Variants in SLC19A2 observed in about 807,000 individuals in gnomAD.
SLC19A2 encodes thiamine transporter 1.
Under a neutral mutation model 44.7 loss-of-function variants are expected in SLC19A2, and 27 were observed. The ratio of observed to expected loss-of-function variants is 0.60; its 90% CI spans 0.45 to 0.83. The LOEUF (loss-of-function observed/expected upper bound fraction) is 0.83. Ranked by LOEUF, SLC19A2 falls within the 40% of genes least tolerant of loss-of-function variation. SLC19A2 has a pLI of 0.00. For missense variants in SLC19A2, 566 were observed against 613.7 expected (o/e 0.92, Z 0.82); for synonymous variants, 239 against 243.6 (o/e 0.98, Z 0.18).
At chr1:169,466,113 A>G in intron 5 of SLC19A2, 136 bp from the exon 6 acceptor site, 1 of 980,212 alleles carries the variant, frequency 1.0e-6, no homozygotes, top group South Asian at 1.5e-5. Context: ...CTGAAGACAC[A>G]AAGCAGCATC....
chr1:169,473,296 A>G (rs1424184355), intron 2 of SLC19A2, among the ~76,000 whole-genome samples: 1 of 151,908 alleles, frequency 6.6e-6, no homozygotes, highest in Admixed American at 6.6e-5. Context: ...GTACAGTGGC[A>G]CTATCTCAGC....
At position 169,468,717 on chromosome 1, in the gene SLC19A2, C is replaced by T; in HGVS notation, c.1150G>A (p.Gly384Ser). Reference sequence around the variant, plus strand: ...GATGCATAGCACACCCAAATGTTACCCACAGTGTCCATGATATACACTGCA... The same window carrying T: ...GATGCATAGCACACCCAAATGTTACTCACAGTGTCCATGATATACACTGCA... ...AAAVYIMDTV[G>S]NIWVCYASYV... The change falls in exon 4 of 6, where the codon GGT becomes AGT. Residue 384 changes from glycine (G) to serine (S), a missense_variant. By Grantham distance (56) the Gly-to-Ser change is moderately conservative. Coordinates refer to ENST00000236137, the MANE Select transcript of SLC19A2 (RefSeq NM_006996.3). 6.2e-7 allele frequency: 1 copy of T among 1,613,714 alleles called. No homozygotes were observed. The highest frequency in any genetic ancestry group is 8.5e-7 in the Non-Finnish European group (1 of 1,179,816).
chr1:169,468,969 G>A, intron 3 of SLC19A2, 133 bp from the exon 4 acceptor site: 1 of 747,410 alleles, frequency 1.3e-6, no homozygotes, highest in South Asian at 1.8e-5. Flanking sequence ...ATTATGGAGG[G>A]CCTTGAAACT....
intron 1 of SLC19A2, among the ~76,000 whole-genome samples, chr1:169,483,766 G>A (rs1044371928): frequency 6.6e-6 from 1 of 152,308 alleles, no homozygotes; most frequent in South Asian, 2.1e-4. Flanking sequence ...TTCTCTCCCT[G>A]TGTTTCACTA....
chr1:169,477,627 C>G lies in SLC19A2; in HGVS notation c.335G>C (p.Trp112Ser), dbSNP rs762045277. ...LLQGLSLIVT[W>S]FMLLYAQGLL... ...TCCCTGGGCATAGAGCAGCATAAAC[C>G]ATGTAACAATAAGGCTGAGCCCCTG... Residue 112 changes from tryptophan to serine, a missense_variant, in exon 2 of 6, where the codon TGG (tryptophan) becomes TCG (serine). By Grantham distance (177) the Trp-to-Ser change is radical. Transcript: ENST00000236137. The G allele has an allele frequency of 1.9e-6, 3 of 1,613,934 alleles. No individual in the cohort carries two copies. The African/African-American group carries it at 4.0e-5, about 22-fold the overall frequency.
At chr1:169,471,395 C>T (rs573243354) in intron 2 of SLC19A2, among the ~76,000 whole-genome samples, 9 of 150,972 alleles carry the variant, frequency 6.0e-5, no homozygotes, top group African/African-American at 2.2e-4. Context: ...TTCAGGAGGC[C>T]GTGGCAGGAG....
chr1:169,474,519 C>T (rs1279033284), intron 2 of SLC19A2, among the ~76,000 whole-genome samples: 1 of 152,050 alleles, frequency 6.6e-6, no homozygotes, highest in Non-Finnish European at 1.5e-5. Flanking sequence ...GCACCCTTTG[C>T]CCCAATGCAA....
At position 169,485,845 on chromosome 1, in the gene SLC19A2, G is replaced by C; in HGVS notation, c.-79C>G. 7.0e-7 allele frequency: 1 copy of C among 1,419,076 alleles called. No homozygotes were observed. Among genetic ancestry groups the C allele is most frequent in the Non-Finnish European group, 9.3e-7 (1 of 1,071,772 alleles). The allele number at this position is 1,419,076 out of a possible 1,614,324, so 87.9% of individuals were successfully genotyped here. A position where few individuals can be genotyped will look rare whatever the true frequency, so the allele number is the denominator to read the frequency against. On this transcript the variant is annotated 5_prime_UTR_variant, in exon 1 of 6. Coordinates refer to ENST00000236137, the MANE Select transcript of SLC19A2 (RefSeq NM_006996.3). ...CAACTGGAGTGAGGGTCAGGCACTT[G>C]TAACCGCGAGTGACGCCTTCTCCCT...
chr1:169,474,283 A>G (rs1406914357), intron 2 of SLC19A2: 1 of 152,238 alleles, frequency 6.6e-6, no homozygotes, highest in African/African-American at 2.4e-5. Context: ...ACTAGTAGTA[A>G]AAGATATCAA....
intron 2 of SLC19A2, among the ~76,000 whole-genome samples, chr1:169,470,917 T>C (rs1166718978): frequency 6.6e-6 from 1 of 152,102 alleles, no homozygotes; most frequent in Non-Finnish European, 1.5e-5. Flanking sequence ...CTGTAATCCC[T>C]GGGCCTTGCT....
chr1:169,469,429 G>C (rs1470266921), intron 3 of SLC19A2, among the ~76,000 whole-genome samples: 1 of 152,170 alleles, frequency 6.6e-6, no homozygotes, highest in Admixed American at 6.5e-5. Context: ...CATCCTGCCT[G>C]AGTTCAAGTC....
rs755378072 is a variant in SLC19A2 at position 169,468,278 on chromosome 1, AAAT to A, written c.1224-29_1224-27del. 3.1e-6 allele frequency: 5 copies of A among 1,588,404 alleles called. No individual in the cohort carries two copies. The South Asian group carries it at 5.5e-5, about 18-fold the overall frequency. Reference sequence around the variant, plus strand: ...CTTAAAAAAAAATAAAAGAGTGAATAAATAAGAATTACTTCTGGAGTACTTATA... The same window carrying A: ...CTTAAAAAAAAATAAAAGAGTGAATAAAGAATTACTTCTGGAGTACTTATA... On this transcript the variant is annotated intron_variant, in intron 4 of 5. Transcript: ENST00000236137.
intron 1 of SLC19A2, among the ~76,000 whole-genome samples, chr1:169,484,869 A>G (rs1330799638): frequency 6.6e-6 from 1 of 152,196 alleles, no homozygotes; most frequent in African/African-American, 2.4e-5. Flanking sequence ...CAAAACTAAC[A>G]TCTGTGAAGC....
chr1:169,469,184 T>A (rs1658109135), intron 3 of SLC19A2: 1 of 315,410 alleles, frequency 3.2e-6, no homozygotes, highest in Admixed American at 4.9e-5. Context: ...GGATGAGTCA[T>A]CTCTCCTTCA....
Position 169,465,884 on chromosome 1 carries a change from C to G in SLC19A2, c.1459G>C (p.Asp487His), listed in dbSNP as rs1384700820. 7.4e-6 allele frequency: 12 copies of G among 1,613,906 alleles called. No homozygotes were observed. The highest frequency in any genetic ancestry group is 1.0e-5 in the Non-Finnish European group (12 of 1,179,924). The change falls in exon 6 of 6, where the codon GAT (aspartate) becomes CAT (histidine). Residue 487 changes from aspartate to histidine, a missense_variant. Coordinates refer to ENST00000236137, the MANE Select transcript of SLC19A2 (RefSeq NM_006996.3). ...SVMKKCRKLE[D>H]PQSSSQVTTS Reference sequence around the variant, plus strand: ...GTTACTTGAGAACTTGATTGTGGATCTTCCAGCTTTCTACATTTCTTCATA... The same window carrying G: ...GTTACTTGAGAACTTGATTGTGGATGTTCCAGCTTTCTACATTTCTTCATA...
At chr1:169,469,670 G>T (rs1249125417) in intron 3 of SLC19A2, among the ~76,000 whole-genome samples, 4 of 152,098 alleles carry the variant, frequency 2.6e-5, no homozygotes, top group Non-Finnish European at 5.9e-5. Context: ...TTCACATCAA[G>T]TGACAAAACT....
In SLC19A2 at chr1:169,465,655, T is replaced by C. The variant is rs1392280630; in HGVS notation, c.*194A>G. ...TAAATTAGCTCTCATAAATAATCCATGAAATAAACTTTACTTCTGGCTCCT... is the reference window on the plus strand; with the variant it reads ...TAAATTAGCTCTCATAAATAATCCACGAAATAAACTTTACTTCTGGCTCCT... On this transcript the variant is annotated 3_prime_UTR_variant, in exon 6 of 6. Coordinates refer to ENST00000236137, the MANE Select transcript of SLC19A2 (RefSeq NM_006996.3). 5.0e-6 allele frequency: 3 copies of C among 602,530 alleles called. No homozygotes were observed. The African/African-American group carries it at 5.6e-5, about 11-fold the overall frequency. 37.3% of individuals were successfully genotyped at this position (602,530 alleles called of 1,614,324 possible).
At chr1:169,475,440 T>C (rs145185459) in intron 2 of SLC19A2, among the ~76,000 whole-genome samples, 3 of 152,146 alleles carry the variant, frequency 2.0e-5, no homozygotes, top group Non-Finnish European at 2.9e-5. Context: ...AGTTTGAAAC[T>C]GTCTATAAAA....
Position 169,477,737 on chromosome 1 carries a change from T to C in SLC19A2, c.225A>G (p.Pro75=), listed in dbSNP as rs1419076963. The C allele has an allele frequency of 6.2e-7, 1 of 1,611,032 alleles. No homozygotes were observed. Among genetic ancestry groups the C allele is most frequent in the Non-Finnish European group, 8.5e-7 (1 of 1,179,098 alleles). The change falls in exon 2 of 6, where the codon CCA becomes CCG. Residue 75 remains proline, a synonymous_variant. Transcript: ENST00000236137. ...TEREVFNEIY[P]VWTYSYLVLL... ...GCACCAGGTAAGAGTAAGTCCATAC[T>C]GGATAAATTTCATTGAAGACCTGGT...
Sources: allele counts gnomAD v4.1 joint callset (sites outside exome capture counted in the v4.1 genomes callset), GRCh38; gene constraint gnomAD v4.1.1; transcripts MANE v1.5; gene names NCBI Gene and HGNC (gene_info 2026-07-23, HGNC 2026-07-21).